The following MGMT variants were observed in gnomAD, a reference collection of about 807,000 sequenced individuals.
MGMT encodes methylated-DNA--protein-cysteine methyltransferase.
A neutral mutation model predicts 15.9 loss-of-function variants in MGMT; 14 were observed. The ratio of observed to expected loss-of-function variants is 0.88; its 90% CI spans 0.58 to 1.37. The LOEUF is 1.37. MGMT is among the 40% of genes most tolerant of loss of function. The pLI is 0.00. For missense variants in MGMT, 282 were observed against 268.1 expected (o/e 1.05, Z -0.36); for synonymous variants, 130 against 118.2 (o/e 1.10, Z -0.65).
intron 1 of MGMT, among the ~76,000 whole-genome samples, chr10:129,480,635 T>C: frequency 6.6e-6 from 1 of 152,170 alleles, no homozygotes; most frequent in South Asian, 2.1e-4. Flanking sequence ...TCCAGCACTT[T>C]GGGAGGCTGA....
intron 2 of MGMT, among the ~76,000 whole-genome samples, chr10:129,604,525 T>G (rs1341613127): frequency 6.6e-6 from 1 of 152,170 alleles, no homozygotes; most frequent in African/African-American, 2.4e-5. Context: ...GGAGCACCCA[T>G]TTGGTCAATC....
rs546279874 is a variant in MGMT at position 129,566,564 on chromosome 10, G to C, written c.125+30187G>C. On this transcript the variant is annotated intron_variant, in intron 2 of 4. Coordinates refer to ENST00000651593, the MANE Select transcript of MGMT (RefSeq NM_002412.5). The surrounding 1 kb of genome is among the most constrained non-coding windows in gnomAD (Gnocchi z 4.1). ...CTCTGGAGGGCCCATCATCATCCTG[G>C]TGGAGGTGTTGCACTGAGGACCACA... 6.6e-6 allele frequency among the ~76,000 whole-genome samples: 1 copy of C among 152,236 alleles called. No homozygotes were observed. Among genetic ancestry groups the C allele is most frequent in the South Asian group, 2.1e-4 (1 of 4,818 alleles).
At chr10:129,478,753 G>C (rs1845324242) in intron 1 of MGMT, among the ~76,000 whole-genome samples, 2 of 152,240 alleles carry the variant, frequency 1.3e-5, no homozygotes, top group South Asian at 4.1e-4. Context: ...GCTGTGCAGG[G>C]AGCAGATGCT....
chr10:129,523,190 T>C (rs967839468), intron 1 of MGMT, among the ~76,000 whole-genome samples: 1 of 152,192 alleles, frequency 6.6e-6, no homozygotes, highest in Admixed American at 6.5e-5. Context: ...TGGGGTGAGA[T>C]GTGCGACCCG....
chr10:129,658,152 C>T (rs2133103472), intron 2 of MGMT, among the ~76,000 whole-genome samples: 1 of 152,248 alleles, frequency 6.6e-6, no homozygotes, highest in African/African-American at 2.4e-5. Context: ...CTATGAATCC[C>T]AAGTAAGGAA....
intron 2 of MGMT, among the ~76,000 whole-genome samples, chr10:129,680,549 G>A (rs891761740): frequency 2.2e-5 from 3 of 138,764 alleles, no homozygotes; most frequent in South Asian, 2.2e-4. Context: ...ACTGGCCCCC[G>A]TCTTATCCAC....
rs373024739 is a variant in MGMT at position 129,523,480 on chromosome 10, C to T, written c.-12-12761C>T. On this transcript the variant is annotated intron_variant, in intron 1 of 4. Transcript: ENST00000651593. ...ATCGGGCATGAGACTGTGCTGAGGT[C>T]TCGGATGTCTCGGGCCTGGGGTCAG... Among the ~76,000 whole-genome samples the T allele has an allele frequency of 5.4e-4, 82 of 152,254 alleles. 1 individual carries two copies. The highest frequency in any genetic ancestry group is 3.4e-3 in the Middle Eastern group (1 of 294).
At chr10:129,661,696 T>C (rs548689158) in intron 2 of MGMT, among the ~76,000 whole-genome samples, 1 of 152,328 alleles carries the variant, frequency 6.6e-6, no homozygotes, top group African/African-American at 2.4e-5. Context: ...CGCTGGAGTT[T>C]TAAAGTTTTC....
intron 1 of MGMT, among the ~76,000 whole-genome samples, chr10:129,527,743 G>C (rs1402640311): frequency 6.7e-6 from 1 of 149,526 alleles, no homozygotes; most frequent in Non-Finnish European, 1.5e-5. Context: ...CCTGGAATCC[G>C]TGTTCTCCCT....
intron 1 of MGMT, among the ~76,000 whole-genome samples, chr10:129,477,240 C>T (rs769583576): frequency 2.0e-5 from 3 of 152,236 alleles, no homozygotes; most frequent in South Asian, 2.1e-4. Flanking sequence ...TCAGCCCCCA[C>T]GATCTCTCTC....
At chr10:129,530,247 T>A (rs1845915928) in intron 1 of MGMT, among the ~76,000 whole-genome samples, 1 of 152,184 alleles carries the variant, frequency 6.6e-6, no homozygotes, top group Admixed American at 6.5e-5. Flanking sequence ...AAAAGTTGAC[T>A]CGTACTAACT....
chr10:129,514,618 G>T (rs954838359), intron 1 of MGMT, among the ~76,000 whole-genome samples: 3 of 151,856 alleles, frequency 2.0e-5, no homozygotes, highest in Non-Finnish European at 4.4e-5. Context: ...TTGAAACCTC[G>T]CCCGTAAGTT....
At chr10:129,576,041 T>C (rs1846478601) in intron 2 of MGMT, among the ~76,000 whole-genome samples, 2 of 152,116 alleles carry the variant, frequency 1.3e-5, no homozygotes, top group South Asian at 4.1e-4. Context: ...AGGCAATAAT[T>C]AATAGCTTAC....
At chr10:129,730,702 C>T (rs952528936) in intron 3 of MGMT, among the ~76,000 whole-genome samples, 1 of 152,198 alleles carries the variant, frequency 6.6e-6, no homozygotes, top group Non-Finnish European at 1.5e-5. Flanking sequence ...GCTTGCCCTG[C>T]CCTCCTCTGA....
At chr10:129,636,830 G>A (rs1422107002) in intron 2 of MGMT, among the ~76,000 whole-genome samples, 3 of 152,134 alleles carry the variant, frequency 2.0e-5, no homozygotes, top group African/African-American at 7.2e-5. Context: ...TTATACAATT[G>A]AAAAATAGTC....
chr10:129,731,092 G>A (rs559964000), intron 3 of MGMT, among the ~76,000 whole-genome samples: 21 of 152,264 alleles, frequency 1.4e-4, no homozygotes, highest in East Asian at 5.8e-4. Context: ...GTCCATTTCC[G>A]AGGGCTGGTA....
At chr10:129,720,111 A>G (rs546381745) in intron 3 of MGMT, among the ~76,000 whole-genome samples, 207 of 152,336 alleles carry the variant, frequency 1.4e-3, no homozygotes, top group African/African-American at 4.6e-3. Context: ...TGTGGCTGGT[A>G]TAGCCCCGCA....
At chr10:129,577,602 A>G (rs181711893) in intron 2 of MGMT, among the ~76,000 whole-genome samples, 3 of 152,156 alleles carry the variant, frequency 2.0e-5, no homozygotes, top group African/African-American at 4.8e-5. Flanking sequence ...AACCTAGGCA[A>G]TACCATTCAG....
chr10:129,579,994 G>T (rs1039313917), intron 2 of MGMT, among the ~76,000 whole-genome samples: 1 of 152,212 alleles, frequency 6.6e-6, no homozygotes, highest in African/African-American at 2.4e-5. Flanking sequence ...AGGCCGGTGT[G>T]TGGTACTGTC....
Sources: gnomAD v4.1 joint callset for allele counts (sites outside exome capture counted in the v4.1 genomes callset) on GRCh38, gnomAD v4.1.1 for gene constraint, Gnocchi (gnomAD v3.1) non-coding constraint, MANE v1.5 for transcripts, NCBI Gene and HGNC (gene_info 2026-07-23, HGNC 2026-07-21) for gene names.